The following RGL1 variants were observed in gnomAD, a reference collection of about 807,000 sequenced individuals.
RGL1 encodes the protein ral guanine nucleotide dissociation stimulator like 1.
A neutral mutation model predicts 95.2 loss-of-function variants in RGL1; 24 were observed. The observed-to-expected ratio is 0.25, with a 90% confidence interval of 0.18 to 0.35. The LOEUF (loss-of-function observed/expected upper bound fraction) is 0.35. Among genes scored for constraint, RGL1 ranks in the 10% least tolerant of loss-of-function variants. The probability of loss-of-function intolerance (pLI) is 1.00; values close to 1 mark genes in which losing one functional copy is unlikely to be tolerated. For synonymous variants in RGL1, 329 were observed against 344.9 expected, an observed-to-expected ratio of 0.95 and a Z score of 0.51; for missense variants, 715 against 936.3, an observed-to-expected ratio of 0.76 and a Z score of 3.08.
chr1:183,747,075 T>C (rs1216046626), intron 2 of RGL1, among the ~76,000 whole-genome samples: 2 of 152,200 alleles, frequency 1.3e-5, no homozygotes, highest in African/African-American at 2.4e-5. Flanking sequence ...TTTGGGTTGG[T>C]TCCAAGTCTT....
At chr1:183,793,852 C>A (rs1660555939) in intron 2 of RGL1, among the ~76,000 whole-genome samples, 1 of 151,988 alleles carries the variant, frequency 6.6e-6, no homozygotes, top group African/African-American at 2.4e-5. Flanking sequence ...GTAAAAAAAA[C>A]AACTAAAGAA....
At chr1:183,887,801 C>T (rs1472328201) in intron 7 of RGL1, among the ~76,000 whole-genome samples, 2 of 152,170 alleles carry the variant, frequency 1.3e-5, no homozygotes, top group African/African-American at 4.8e-5. Context: ...TGTTCTCTTT[C>T]TATTTTGTTT....
intron 1 of RGL1, among the ~76,000 whole-genome samples, chr1:183,638,450 A>C (rs1231878179): frequency 6.6e-6 from 1 of 152,202 alleles, no homozygotes; most frequent in African/African-American, 2.4e-5. Context: ...TTTTGGACGA[A>C]CATTCAGAAA....
intron 17 of RGL1, among the ~76,000 whole-genome samples, chr1:183,925,712 C>G (rs1669577035): frequency 6.6e-6 from 1 of 152,090 alleles, no homozygotes; most frequent in African/African-American, 2.4e-5. Context: ...AATCTGCATA[C>G]TGGGGTGGAA....
At chr1:183,714,341 T>A (rs1289378787) in intron 1 of RGL1, among the ~76,000 whole-genome samples, 2 of 152,232 alleles carry the variant, frequency 1.3e-5, no homozygotes, top group African/African-American at 4.8e-5. Context: ...GTGGTCTATC[T>A]TGTCCCTTTT....
chr1:183,796,226 G>A (rs1476785052), intron 2 of RGL1, among the ~76,000 whole-genome samples: 4 of 148,814 alleles, frequency 2.7e-5, no homozygotes, highest in East Asian at 3.9e-4. Flanking sequence ...GTGCAGTGGC[G>A]CGATCTCGGC....
intron 12 of RGL1, among the ~76,000 whole-genome samples, chr1:183,904,451 T>C (rs10911463): frequency 0.59 from 89,678 of 151,942 alleles, 26,520 homozygotes; most frequent in African/African-American, 0.6. Context: ...TTAAGAAATA[T>C]GAATAGAAAT....
At chr1:183,842,703 G>T (rs1356985631) in intron 2 of RGL1, among the ~76,000 whole-genome samples, 3 of 152,178 alleles carry the variant, frequency 2.0e-5, no homozygotes, top group Admixed American at 6.5e-5. Context: ...TTTCCTGTTA[G>T]CGTGCTAACC....
At chr1:183,749,316 A>G (rs986707906) in intron 2 of RGL1, among the ~76,000 whole-genome samples, 8 of 152,184 alleles carry the variant, frequency 5.3e-5, no homozygotes, top group Admixed American at 3.9e-4. Flanking sequence ...CATTGGTTGC[A>G]TATATATTTA....
intron 1 of RGL1, among the ~76,000 whole-genome samples, chr1:183,718,603 G>A (rs1176395992): frequency 1.3e-5 from 2 of 152,248 alleles, no homozygotes; most frequent in South Asian, 4.2e-4. Context: ...ACTACTGGTC[G>A]TGTGATGAAG....
chr1:183,836,545 G>T (rs1663671105), intron 2 of RGL1, among the ~76,000 whole-genome samples: 1 of 152,234 alleles, frequency 6.6e-6, no homozygotes, highest in South Asian at 2.1e-4. Flanking sequence ...CGGGAATACA[G>T]GCGTGAGCCA....
chr1:183,740,559 C>T (rs1383595118), intron 1 of RGL1, among the ~76,000 whole-genome samples: 2 of 152,290 alleles, frequency 1.3e-5, no homozygotes, highest in East Asian at 1.9e-4. Context: ...GAGCATAACA[C>T]CTGTGTTTTG....
intron 1 of RGL1, among the ~76,000 whole-genome samples, chr1:183,640,874 T>A (rs1649878093): frequency 6.6e-6 from 1 of 152,230 alleles, no homozygotes; most frequent in African/African-American, 2.4e-5. Flanking sequence ...TCGTTGGTAT[T>A]TCACCAGTTG....
exon 1 of RGL1, chr1:183,636,341 G>C (rs1021966398): frequency 2.5e-6 from 1 of 395,490 alleles, no homozygotes. Flanking sequence ...CAGACTGTGC[G>C]CTGCTAGAGG....
chr1:183,794,322 A>G (rs1376515774), intron 2 of RGL1, among the ~76,000 whole-genome samples: 2 of 152,210 alleles, frequency 1.3e-5, no homozygotes, highest in Non-Finnish European at 2.9e-5. Context: ...GTTGCTTAAT[A>G]GGTGCAAAGG....
chr1:183,683,134 C>T (rs578081666), intron 1 of RGL1, among the ~76,000 whole-genome samples: 2 of 152,260 alleles, frequency 1.3e-5, no homozygotes, highest in East Asian at 3.9e-4. Flanking sequence ...ATTTGCCAGT[C>T]TGTGTCTTTT....
At position 183,926,489 on chromosome 1, in the gene RGL1, A is replaced by G. The variant is rs1015534465; in HGVS notation, c.*197A>G. On this transcript the variant is annotated 3_prime_UTR_variant, in exon 18 of 18. Coordinates refer to ENST00000360851, the MANE Select transcript of RGL1 (RefSeq NM_001297671.3). ...AATGAATTTGACATGAAAAGGATGA[A>G]CGATTCACTGATTCTCTTTGACTCA... is the stretch of plus-strand genomic sequence containing the variant. 5 of 438,966 alleles carry G rather than the reference A, an allele frequency of 1.1e-5. No individual in the cohort carries two copies. Among genetic ancestry groups the G allele is most frequent in the Non-Finnish European group, 2.0e-5 (5 of 244,344 alleles). The allele number at this position is 438,966 out of a possible 1,614,324, so 27.2% of individuals were successfully genotyped here. A position where few individuals can be genotyped will look rare whatever the true frequency, so the allele number is the denominator to read the frequency against.
At chr1:183,917,337 A>T (rs1214748889) in intron 16 of RGL1, among the ~76,000 whole-genome samples, 1 of 152,246 alleles carries the variant, frequency 6.6e-6, no homozygotes, top group African/African-American at 2.4e-5. Flanking sequence ...TTTTGGGAAT[A>T]CACACAGAGC....
intron 2 of RGL1, among the ~76,000 whole-genome samples, chr1:183,756,267 G>A (rs979646948): frequency 6.6e-5 from 10 of 151,290 alleles, no homozygotes; most frequent in African/African-American, 1.9e-4. Context: ...TCCCTGGTTC[G>A]CTTAAAGGAA....
Sources: allele counts gnomAD v4.1 joint callset (sites outside exome capture counted in the v4.1 genomes callset), GRCh38; gene constraint gnomAD v4.1.1; transcripts MANE v1.5; gene names NCBI Gene and HGNC (gene_info 2026-07-23, HGNC 2026-07-21).